SHANK2: variants seen among roughly 807,000 people sequenced by gnomAD.
SHANK2 encodes the protein SH3 and multiple ankyrin repeat domains 2, also known as SH3 and multiple ankyrin repeat domains protein 2.
Under a neutral mutation model 133.7 loss-of-function variants are expected in SHANK2, and 43 were observed. The observed-to-expected ratio is 0.32, with a 90% confidence interval of 0.25 to 0.41. The LOEUF (loss-of-function observed/expected upper bound fraction) is 0.41, where lower values mean the gene tolerates loss of function less well. Ranked by LOEUF, SHANK2 falls within the 10% of genes least tolerant of loss-of-function variation. The pLI is 1.00. For missense variants in SHANK2, 1,994 were observed against 2,235.8 expected (o/e 0.89, Z 2.18); for synonymous variants, 1,017 against 952.8 (o/e 1.07, Z -1.24).
chr11:71,099,225 AC>A (rs144655950), intron 6 of SHANK2, among the ~76,000 whole-genome samples: 2,115 of 152,102 alleles, frequency 0.014, 54 homozygotes, highest in African/African-American at 0.049. Context: ...TCATGTGGGA[AC>A]CCGGGTGGGG....
chr11:71,119,775 T>C (rs1306989618), intron 3 of SHANK2, among the ~76,000 whole-genome samples: 2 of 152,080 alleles, frequency 1.3e-5, no homozygotes, highest in Admixed American at 6.6e-5. Flanking sequence ...CCTGAGAACC[T>C]ACATCTCAGA....
intron 3 of SHANK2, among the ~76,000 whole-genome samples, chr11:71,132,358 G>A (rs1300380010): frequency 2.0e-5 from 3 of 152,204 alleles, no homozygotes; most frequent in Non-Finnish European, 4.4e-5. Flanking sequence ...AGCTTGGGAT[G>A]CCAGCAAAGA....
intron 2 of SHANK2, among the ~76,000 whole-genome samples, chr11:71,173,732 T>C (rs1299931938): frequency 6.6e-6 from 1 of 152,214 alleles, no homozygotes; most frequent in Non-Finnish European, 1.5e-5. Flanking sequence ...TTAGTCAAGA[T>C]GAGATCATAT....
chr11:70,522,842 G>A (rs1196023051), intron 17 of SHANK2, among the ~76,000 whole-genome samples: 1 of 152,154 alleles, frequency 6.6e-6, no homozygotes, highest in Admixed American at 6.5e-5. Flanking sequence ...AAGGGAAGCC[G>A]CCCCAAGCCA....
intron 11 of SHANK2, among the ~76,000 whole-genome samples, chr11:70,869,666 C>G (rs1198633419): frequency 6.6e-6 from 1 of 152,172 alleles, no homozygotes; most frequent in African/African-American, 2.4e-5. Context: ...CCAGCAGATA[C>G]TTCCTTGGGT....
chr11:70,923,409 A>C lies in SHANK2; in HGVS notation c.1108-26842T>G, dbSNP rs138274021. Among the ~76,000 whole-genome samples, 856 of 152,076 alleles carry C rather than the reference A, an allele frequency of 5.6e-3. 6 individuals are homozygous for C. The highest frequency in any genetic ancestry group is 0.02 in the African/African-American group (815 of 41,480). On this transcript the variant is annotated intron_variant, in intron 10 of 25. Transcript: ENST00000601538. ...AGGCATGAGCTACTATGGCCAGATA[A>C]TTTTTGTATCTTTAGTAGAGATGGA...
chr11:70,812,211 T>G (rs1555053345), intron 12 of SHANK2, among the ~76,000 whole-genome samples: 2 of 152,218 alleles, frequency 1.3e-5, no homozygotes. Context: ...TTGATTCTCT[T>G]TGCAGGAATC....
At chr11:70,545,523 C>T (rs530374324) in intron 17 of SHANK2, among the ~76,000 whole-genome samples, 5 of 152,130 alleles carry the variant, frequency 3.3e-5, no homozygotes, top group Admixed American at 6.5e-5. Flanking sequence ...TGGTTTTCTC[C>T]CCTGAGAGCA....
chr11:70,840,992 G>A (rs1555061514), intron 11 of SHANK2, among the ~76,000 whole-genome samples: 3 of 152,170 alleles, frequency 2.0e-5, no homozygotes, highest in African/African-American at 4.8e-5. Flanking sequence ...GCCAGGCGTG[G>A]TGGCTCATGT....
intron 8 of SHANK2, among the ~76,000 whole-genome samples, chr11:71,087,918 C>G (rs958944803): frequency 6.6e-6 from 1 of 152,128 alleles, no homozygotes. Context: ...CGTGAGCCAC[C>G]GCACCTGGCT....
chr11:71,204,366 T>C (rs1176262806), intron 2 of SHANK2, among the ~76,000 whole-genome samples: 3 of 151,680 alleles, frequency 2.0e-5, no homozygotes, highest in African/African-American at 7.3e-5. Context: ...TTGGTAGGAG[T>C]GTCCCACGGG....
intron 17 of SHANK2, among the ~76,000 whole-genome samples, chr11:70,572,248 C>T (rs2060054810): frequency 6.6e-6 from 1 of 152,252 alleles, no homozygotes; most frequent in Non-Finnish European, 1.5e-5. Flanking sequence ...CAACGTCCAC[C>T]TCCCAGGTTC....
intron 10 of SHANK2, among the ~76,000 whole-genome samples, chr11:70,933,910 AAAAAC>A (rs1247034642): frequency 6.6e-6 from 1 of 151,134 alleles, no homozygotes; most frequent in African/African-American, 2.4e-5. Context: ...AAAAAAAAAA[AAAAAC>A]AAAAAACAAA....
chr11:71,218,607 C>T (rs1555120537), intron 2 of SHANK2, among the ~76,000 whole-genome samples: 1 of 152,038 alleles, frequency 6.6e-6, no homozygotes, highest in African/African-American at 2.4e-5. Context: ...GGATGAGCAG[C>T]GTGAGGGCAG....
At chr11:71,214,477 C>A (rs138083158) in intron 2 of SHANK2, among the ~76,000 whole-genome samples, 1 of 152,184 alleles carries the variant, frequency 6.6e-6, no homozygotes, top group Non-Finnish European at 1.5e-5. Context: ...CAAAAGACAT[C>A]GTGATTTAGC....
intron 3 of SHANK2, among the ~76,000 whole-genome samples, chr11:71,132,454 T>G (rs1397828870): frequency 6.6e-6 from 1 of 152,130 alleles, no homozygotes; most frequent in Non-Finnish European, 1.5e-5. Context: ...CTACAGAACT[T>G]GTAGTAATTC....
At chr11:71,133,346 A>ATGTCTGGCTGGC in intron 3 of SHANK2, among the ~76,000 whole-genome samples, 1 of 111,890 alleles carries the variant, frequency 8.9e-6, no homozygotes, top group Admixed American at 9.1e-5. Flanking sequence ...GGGAGGATGC[A>ATGTCTGGCTGGC]TGGCTGGCTG....
At chr11:70,586,027 C>G (rs1170772061) in intron 17 of SHANK2, among the ~76,000 whole-genome samples, 2 of 152,168 alleles carry the variant, frequency 1.3e-5, no homozygotes, top group South Asian at 4.1e-4. Context: ...CGATTCAACC[C>G]TGACCTTGTG....
At chr11:70,528,129 G>A (rs1189945946) in intron 17 of SHANK2, among the ~76,000 whole-genome samples, 1 of 152,252 alleles carries the variant, frequency 6.6e-6, no homozygotes, top group African/African-American at 2.4e-5. Flanking sequence ...AACCAACCGA[G>A]CATCAGGTGC....
Sources: gnomAD v4.1 joint callset for allele counts (sites outside exome capture counted in the v4.1 genomes callset) on GRCh38, gnomAD v4.1.1 for gene constraint, MANE v1.5 for transcripts, NCBI Gene and HGNC (gene_info 2026-07-23, HGNC 2026-07-21) for gene names.